The following VPS53 variants were observed in gnomAD, a reference collection of about 807,000 sequenced individuals.
VPS53 encodes the protein VPS53 subunit of GARP complex.
In VPS53, 70 loss-of-function variants were observed where a neutral mutation model predicts 107.0. The observed-to-expected ratio is 0.65, with a 90% CI of 0.54 to 0.80. VPS53 has a LOEUF of 0.80. VPS53 is among the 30% of genes least tolerant of loss of function. The pLI, the probability that VPS53 is intolerant of heterozygous loss-of-function variation, is 0.00. For synonymous variants in VPS53, 409 were observed against 393.3 expected (o/e 1.04, Z -0.47); for missense variants, 917 against 1,049.4 (o/e 0.87, Z 1.74).
intron 7 of VPS53, among the ~76,000 whole-genome samples, chr17:639,609 CTGTT>C (rs1341717544): frequency 1.3e-5 from 2 of 152,140 alleles, no homozygotes; most frequent in Non-Finnish European, 2.9e-5. Context: ...GATGTCCTTT[CTGTT>C]TGTTAGTTTT....
chr17:678,671 G>A (rs1451552709), intron 4 of VPS53, among the ~76,000 whole-genome samples: 2 of 150,452 alleles, frequency 1.3e-5, no homozygotes, highest in African/African-American at 2.4e-5. Context: ...ACAGAGTCTC[G>A]CTCTGTCGCC....
At chr17:603,022 T>C (rs1025153303) in intron 11 of VPS53, among the ~76,000 whole-genome samples, 1 of 152,156 alleles carries the variant, frequency 6.6e-6, no homozygotes, top group African/African-American at 2.4e-5. Context: ...AGTGGGTCAA[T>C]CTGAATTAAT....
chr17:688,020 G>C (rs1972653738), intron 4 of VPS53, among the ~76,000 whole-genome samples: 1 of 152,184 alleles, frequency 6.6e-6, no homozygotes, highest in Non-Finnish European at 1.5e-5. Flanking sequence ...ACATAGAGGA[G>C]AGAAGATAGC....
chr17:517,743 A>T lies in VPS53; in HGVS notation c.*1385T>A. On this transcript the variant is annotated 3_prime_UTR_variant, in exon 22 of 22. Transcript: ENST00000437048. ...GCCATGTTGGGCAGGCTGGTCTCGA[A>T]TTCCTGACCTCAGGTGATCCACCTG... The T allele has an allele frequency of 4.4e-6, 1 of 225,876 alleles. No individual in the cohort carries two copies. Among genetic ancestry groups the T allele is most frequent in the East Asian group, 8.4e-5 (1 of 11,878 alleles). The allele number at this position is 225,876 out of a possible 1,614,324, so 14.0% of individuals were successfully genotyped here.
At chr17:654,809 C>A (rs1003731850) in intron 6 of VPS53, among the ~76,000 whole-genome samples, 1 of 151,950 alleles carries the variant, frequency 6.6e-6, no homozygotes, top group Non-Finnish European at 1.5e-5. Flanking sequence ...TTGCTACCAC[C>A]ACCTGGTTTT....
At chr17:687,574 CAAAAAAAAAA>C (rs1051720595) in intron 4 of VPS53, among the ~76,000 whole-genome samples, 1 of 89,468 alleles carries the variant, frequency 1.1e-5, no homozygotes, top group Non-Finnish European at 2.3e-5. Context: ...GACTCAGTCT[CAAAAAAAAAA>C]AAAAAAAGAT....
chr17:566,793 G>C (rs555215425), intron 13 of VPS53, among the ~76,000 whole-genome samples: 81 of 152,086 alleles, frequency 5.3e-4, no homozygotes, highest in Non-Finnish European at 8.5e-4. Context: ...GTCCAGGCTG[G>C]AGTGCAGTGG....
intron 16 of VPS53, 82 bp from the exon 17 acceptor site, chr17:552,032 ATCAGAT>A: frequency 1.5e-6 from 2 of 1,294,872 alleles, no homozygotes. Context: ...CTGTGTAAAA[ATCAGAT>A]TCATCATTTC....
At chr17:639,719 G>A (rs777888802) in intron 7 of VPS53, among the ~76,000 whole-genome samples, 3 of 152,230 alleles carry the variant, frequency 2.0e-5, no homozygotes, top group Non-Finnish European at 4.4e-5. Flanking sequence ...AGCGGAGGCT[G>A]CAGAATAGCA....
rs1316458021 is a variant in VPS53 at position 662,799 on chromosome 17, A to AAAAAAGAAAG, written c.286-905_286-904insCTTTCTTTTT. ...AGAAAGAAAGAAAAAAAGAAAGAGA[A>AAAAAAGAAAG]AGAAAGAAAAAAAGAAAGAAAGAGA... On this transcript the variant is annotated intron_variant, in intron 4 of 21. Coordinates refer to ENST00000437048, the MANE Select transcript of VPS53 (RefSeq NM_001128159.3). 2.5e-3 allele frequency among the ~76,000 whole-genome samples: 354 copies of AAAAAAGAAAG among 140,608 alleles called. 6 individuals carry two copies. Among genetic ancestry groups the AAAAAAGAAAG allele is most frequent in the East Asian group, 0.012 (43 of 3,606 alleles). The allele number at this position is 140,608 out of a possible 152,430, so 92.2% of individuals were successfully genotyped here.
intron 6 of VPS53, among the ~76,000 whole-genome samples, chr17:654,799 T>C (rs987323085): frequency 1.8e-4 from 28 of 151,540 alleles, no homozygotes; most frequent in South Asian, 8.4e-4. Context: ...AGGTGTTCCG[T>C]TGCTACCACC....
At chr17:623,088 G>A (rs1004417695) in intron 11 of VPS53, among the ~76,000 whole-genome samples, 1 of 152,106 alleles carries the variant, frequency 6.6e-6, no homozygotes, top group African/African-American at 2.4e-5. Flanking sequence ...TTCCAATGGA[G>A]GCACGTAGTC....
In VPS53 at chr17:560,459, G is replaced by C; in HGVS notation, c.1671C>G (p.Ser557Arg). The change falls in exon 15 of 22, where the codon AGC becomes AGG. Residue 557 changes from serine (S) to arginine (R), a missense_variant. Physicochemically the swap from Ser to Arg is moderately radical, Grantham distance 110. Coordinates refer to ENST00000437048, the MANE Select transcript of VPS53 (RefSeq NM_001128159.3). ...EELCLICNIL[S>R]TAEYCLATTQ... ...TGGTGGCCAGACAGTACTCTGCCGT[G>C]CTCAGGATGTTACAGATGAGGCAGA... is the stretch of plus-strand genomic sequence containing the variant. 1.9e-6 allele frequency: 3 copies of C among 1,612,738 alleles called. No homozygotes were observed. The highest frequency in any genetic ancestry group is 1.7e-6 in the Non-Finnish European group (2 of 1,179,998).
intron 5 of VPS53, among the ~76,000 whole-genome samples, chr17:658,624 T>TA: frequency 6.6e-6 from 1 of 150,602 alleles, no homozygotes; most frequent in South Asian, 2.1e-4. Context: ...CGTGGGTAGA[T>TA]ACATCCCACT....
chr17:658,377 G>T (rs57564495), intron 5 of VPS53, among the ~76,000 whole-genome samples: 7,846 of 134,890 alleles, frequency 0.058, 7 homozygotes, highest in East Asian at 0.12. Flanking sequence ...AAACTCGGCC[G>T]TGAGTTCGTG....
chr17:521,888 A>C (rs1042236890), intron 19 of VPS53, 150 bp from the exon 20 acceptor site: 4 of 940,690 alleles, frequency 4.3e-6, no homozygotes, highest in Non-Finnish European at 4.3e-6. Flanking sequence ...TAAAAGAAAA[A>C]AATTATGTAT....
chr17:561,540 T>C lies in VPS53; in HGVS notation c.1556+963A>G, dbSNP rs1267444105. Among the ~76,000 whole-genome samples, 5 of 152,186 alleles carry C rather than the reference T, an allele frequency of 3.3e-5. No homozygotes were observed. In the East Asian group the frequency reaches 7.7e-4, roughly 23 times the overall value. On this transcript the variant is annotated intron_variant, in intron 14 of 21. Transcript: ENST00000437048. Reference sequence around the variant, plus strand: ...ACACAAACAAACAAAAGCACACAGATCACACACATTAGGTATCTATCAAGA... The same window carrying C: ...ACACAAACAAACAAAAGCACACAGACCACACACATTAGGTATCTATCAAGA...
chr17:584,803 G>A (rs1163630897), intron 13 of VPS53, among the ~76,000 whole-genome samples: 3 of 152,136 alleles, frequency 2.0e-5, no homozygotes, highest in Admixed American at 6.5e-5. Context: ...TGGGATTACA[G>A]GTGTGACCCA....
intron 19 of VPS53, chr17:532,117 T>G (rs1909632643): frequency 2.0e-5 from 3 of 150,892 alleles, no homozygotes; most frequent in Admixed American, 2.0e-4. Flanking sequence ...CCGGCTAATT[T>G]TTTGTATTAT....
Sources: gnomAD v4.1 joint callset for allele counts (sites outside exome capture counted in the v4.1 genomes callset) on GRCh38, gnomAD v4.1.1 for gene constraint, MANE v1.5 for transcripts, NCBI Gene and HGNC (gene_info 2026-07-23, HGNC 2026-07-21) for gene names.